The following MACROD2 variants were observed in gnomAD, a reference collection of about 807,000 sequenced individuals.
MACROD2 encodes the protein ADP-ribose glycohydrolase MACROD2.
A neutral mutation model predicts 70.4 loss-of-function variants in MACROD2; 36 were observed. The ratio of observed to expected loss-of-function variants is 0.51; its 90% confidence interval spans 0.39 to 0.68. MACROD2 has a LOEUF of 0.68. Ranked by LOEUF, MACROD2 falls within the 30% of genes least tolerant of loss-of-function variation. The probability of loss-of-function intolerance (pLI) is 0.00; values close to 1 mark genes in which losing one functional copy is unlikely to be tolerated. For missense variants in MACROD2, 496 were observed against 538.4 expected (o/e 0.92, Z 0.78); for synonymous variants, 172 against 178.8 (o/e 0.96, Z 0.30).
intron 8 of MACROD2, among the ~76,000 whole-genome samples, chr20:15,557,363 A>G (rs2048181772): frequency 6.6e-6 from 1 of 152,202 alleles, no homozygotes; most frequent in Non-Finnish European, 1.5e-5. Context: ...TCCTGATTCT[A>G]TTACTTAGAT....
At chr20:15,747,227 A>G (rs116245427) in intron 8 of MACROD2, among the ~76,000 whole-genome samples, 1,557 of 152,248 alleles carry the variant, frequency 0.01, 25 homozygotes, top group African/African-American at 0.034. Flanking sequence ...GAATGTAGGT[A>G]CCAGGACTAA....
In MACROD2 at chr20:15,332,571, GGAAAGAGGCTGTTCTTACAGCCCCTTT is replaced by G. The variant is rs763092374; in HGVS notation, c.541-98824_541-98798del. On this transcript the variant is annotated intron_variant, in intron 6 of 17. Transcript: ENST00000684519. ...ATGTACAGTATTCACATTTTACTAA[GGAAAGAGGCTGTTCTTACAGCCCCTTT>G]GAAAGAGGCCGTTCCTACAGCCCCT... is the stretch of plus-strand genomic sequence containing the variant. 3.3e-4 allele frequency among the ~76,000 whole-genome samples: 50 copies of G among 150,640 alleles called. 1 individual carries two copies. Among genetic ancestry groups the G allele is most frequent in the African/African-American group, 8.6e-4 (35 of 40,562 alleles).
chr20:14,156,950 A>G (rs1318045279), intron 3 of MACROD2, among the ~76,000 whole-genome samples: 4 of 152,224 alleles, frequency 2.6e-5, no homozygotes, highest in Non-Finnish European at 5.9e-5. Flanking sequence ...TATTTTGCAC[A>G]TTACCAGGAG....
intron 3 of MACROD2, among the ~76,000 whole-genome samples, chr20:14,320,104 C>T (rs1047627925): frequency 2.2e-4 from 34 of 152,120 alleles, no homozygotes; most frequent in East Asian, 1.5e-3. Flanking sequence ...ACCTGTACTG[C>T]GCACATAGTC....
At chr20:15,259,245 G>C (rs1389747727) in intron 6 of MACROD2, among the ~76,000 whole-genome samples, 1 of 151,982 alleles carries the variant, frequency 6.6e-6, no homozygotes, top group Non-Finnish European at 1.5e-5. Flanking sequence ...AAAACAGTGG[G>C]ATTCCAGGCT....
chr20:15,559,334 A>G (rs1471022426), intron 8 of MACROD2, among the ~76,000 whole-genome samples: 1 of 152,208 alleles, frequency 6.6e-6, no homozygotes, highest in Non-Finnish European at 1.5e-5. Flanking sequence ...AAAATATTAA[A>G]TAAAGAATAG....
At chr20:16,024,497 T>TCACACA (rs145103665) in intron 15 of MACROD2, among the ~76,000 whole-genome samples, 36,981 of 150,638 alleles carry the variant, frequency 0.25, 4,621 homozygotes, top group South Asian at 0.35. Flanking sequence ...GCAGCCATGT[T>TCACACA]CACACACACA....
chr20:15,506,983 T>C (rs1384672154), intron 8 of MACROD2, among the ~76,000 whole-genome samples: 2 of 152,170 alleles, frequency 1.3e-5, no homozygotes, highest in Non-Finnish European at 2.9e-5. Context: ...TTTGAAATGG[T>C]CACATCCTAT....
At chr20:14,799,229 A>G (rs915288224) in intron 5 of MACROD2, among the ~76,000 whole-genome samples, 2 of 152,080 alleles carry the variant, frequency 1.3e-5, no homozygotes, top group African/African-American at 2.4e-5. Context: ...TGAAGAAATT[A>G]AGTCATTTTT....
chr20:15,495,762 T>C (rs1174235821), intron 7 of MACROD2, among the ~76,000 whole-genome samples: 1 of 152,222 alleles, frequency 6.6e-6, no homozygotes, highest in Non-Finnish European at 1.5e-5. Context: ...TTTACATAAA[T>C]AAATGCAGAA....
chr20:15,968,349 T>C (rs2066173890), intron 13 of MACROD2, among the ~76,000 whole-genome samples: 1 of 152,156 alleles, frequency 6.6e-6, no homozygotes, highest in African/African-American at 2.4e-5. Flanking sequence ...AATGAAGTTA[T>C]TATTTATACA....
chr20:14,467,564 C>G (rs2084471440), intron 3 of MACROD2, among the ~76,000 whole-genome samples: 3 of 152,098 alleles, frequency 2.0e-5, no homozygotes, highest in Admixed American at 2.0e-4. Context: ...GTCTGGCACT[C>G]CCCAGTGAGG....
intron 5 of MACROD2, among the ~76,000 whole-genome samples, chr20:14,712,497 A>T (rs1281613956): frequency 6.6e-6 from 1 of 152,160 alleles, no homozygotes; most frequent in East Asian, 1.9e-4. Context: ...GCATACCTAT[A>T]GTTCTTAAGG....
chr20:14,473,307 C>T (rs1259427556), intron 3 of MACROD2, among the ~76,000 whole-genome samples: 1 of 152,166 alleles, frequency 6.6e-6, no homozygotes, highest in Non-Finnish European at 1.5e-5. Context: ...CCACCTGTAG[C>T]CTCCTGCCTT....
chr20:14,310,394 T>A (rs77892925), intron 3 of MACROD2, among the ~76,000 whole-genome samples: 2,293 of 152,248 alleles, frequency 0.015, 24 homozygotes, highest in African/African-American at 0.027. Flanking sequence ...ATGGACTACA[T>A]ATACAATCAT....
chr20:14,673,667 C>A (rs1045023474), intron 4 of MACROD2, among the ~76,000 whole-genome samples: 2 of 151,962 alleles, frequency 1.3e-5, no homozygotes, highest in Non-Finnish European at 2.9e-5. Context: ...ACCTGTAATC[C>A]CAGCACTTTG....
chr20:14,276,397 T>C (rs1261610820), intron 3 of MACROD2, among the ~76,000 whole-genome samples: 3 of 144,160 alleles, frequency 2.1e-5, no homozygotes, highest in African/African-American at 7.8e-5. Context: ...AAACACCGCA[T>C]GTTCTCACTC....
intron 3 of MACROD2, among the ~76,000 whole-genome samples, chr20:14,402,616 G>C (rs983576482): frequency 6.6e-6 from 1 of 152,102 alleles, no homozygotes; most frequent in Admixed American, 6.5e-5. Context: ...TATAGAAAAT[G>C]TGTCTCAGTT....
At chr20:15,233,720 G>A (rs1017587130) in intron 6 of MACROD2, among the ~76,000 whole-genome samples, 6 of 151,178 alleles carry the variant, frequency 4.0e-5, no homozygotes, top group Non-Finnish European at 5.9e-5. Context: ...TTTTACGATG[G>A]CATTTCTTTT....
Sources: gnomAD v4.1 joint callset for allele counts (sites outside exome capture counted in the v4.1 genomes callset) on GRCh38, gnomAD v4.1.1 for gene constraint, MANE v1.5 for transcripts, NCBI Gene and HGNC (gene_info 2026-07-23, HGNC 2026-07-21) for gene names.